Variants in COL15A1 observed in about 807,000 individuals in gnomAD.
COL15A1 encodes the protein collagen type XV alpha 1 chain, also known as collagen alpha-1(XV) chain.
A neutral mutation model predicts 165.9 loss-of-function variants in COL15A1; 111 were observed. That is an observed-to-expected ratio of 0.67 (90% CI 0.57 to 0.78). COL15A1 has a LOEUF of 0.78. Among genes scored for constraint, COL15A1 ranks in the 30% least tolerant of loss-of-function variants. The pLI, the probability that COL15A1 is intolerant of heterozygous loss-of-function variation, is 0.00. For missense variants in COL15A1, 1,745 were observed against 1,789.7 expected, an observed-to-expected ratio of 0.98 and a Z score of 0.45; for synonymous variants, 659 against 674.8, an observed-to-expected ratio of 0.98 and a Z score of 0.36.
At chr9:99,039,136 G>A (rs1274104827) in intron 22 of COL15A1, among the ~76,000 whole-genome samples, 2 of 152,170 alleles carry the variant, frequency 1.3e-5, no homozygotes, top group East Asian at 3.8e-4. Context: ...AGTCTTTATA[G>A]CCCCATTTTA....
chr9:99,038,369 A>C (rs1198475296), intron 21 of COL15A1, among the ~76,000 whole-genome samples: 1 of 152,214 alleles, frequency 6.6e-6, no homozygotes, highest in Non-Finnish European at 1.5e-5. Flanking sequence ...AAACACACAC[A>C]CCCCAACACT....
intron 13 of COL15A1, among the ~76,000 whole-genome samples, chr9:99,022,885 C>T (rs1217970529): frequency 6.6e-6 from 1 of 152,220 alleles, no homozygotes; most frequent in Non-Finnish European, 1.5e-5. Flanking sequence ...TCCTGCTGGA[C>T]TCTGGGCACC....
rs531698357 is a variant in COL15A1 at position 99,035,009 on chromosome 9, T to C, written c.2080-5T>C. On this transcript the variant is annotated splice_region_variant and splice_polypyrimidine_tract_variant and intron_variant, in intron 17 of 41. Coordinates refer to ENST00000375001, the MANE Select transcript of COL15A1 (RefSeq NM_001855.5). Reference sequence around the variant, plus strand: ...TAGATAATCAGCCTGCCCTCTTTCCTACAGGGTGACCCTGGCAACAGAGGC... The same window carrying C: ...TAGATAATCAGCCTGCCCTCTTTCCCACAGGGTGACCCTGGCAACAGAGGC... The C allele has an allele frequency of 3.1e-6, 5 of 1,612,442 alleles. No individual in the cohort carries two copies. The Admixed American group carries it at 8.3e-5, about 27-fold the overall frequency.
chr9:98,952,063 A>G (rs1837697534), intron 2 of COL15A1, among the ~76,000 whole-genome samples: 1 of 152,246 alleles, frequency 6.6e-6, no homozygotes, highest in Non-Finnish European at 1.5e-5. Flanking sequence ...TGAGGCAGGG[A>G]TGGGCCTGTC....
intron 30 of COL15A1, 25 bp downstream of exon 30, chr9:99,049,920 G>A (rs1018727412): frequency 6.2e-7 from 1 of 1,614,118 alleles, no homozygotes; most frequent in Non-Finnish European, 8.5e-7. Flanking sequence ...CTGCCTTAAA[G>A]AGCAGGCTTT....
intron 18 of COL15A1, 43 bp from the exon 19 acceptor site, chr9:99,035,307 C>T (rs1271156868): frequency 1.2e-6 from 2 of 1,613,802 alleles, no homozygotes; most frequent in Non-Finnish European, 1.7e-6. Context: ...AAGTAGGTGC[C>T]CAGGAACTGG....
Position 99,040,248 on chromosome 9 carries a change from G to A in COL15A1, c.2476-273G>A, listed in dbSNP as rs1839378033. On this transcript the variant is annotated intron_variant, in intron 22 of 41. Coordinates refer to ENST00000375001, the MANE Select transcript of COL15A1 (RefSeq NM_001855.5). ...CAGAGAGACTAAAACCAGAGATTGG[G>A]CATCCCTGTCCTCACAGTCCCTGGG... is the stretch of plus-strand genomic sequence containing the variant. Among the ~76,000 whole-genome samples, 5 of 152,250 alleles carry A rather than the reference G, an allele frequency of 3.3e-5. No homozygotes were observed. In the South Asian group the frequency reaches 8.3e-4, roughly 25 times the overall value.
chr9:98,984,481 G>A (rs1838277902), intron 2 of COL15A1, among the ~76,000 whole-genome samples: 1 of 152,208 alleles, frequency 6.6e-6, no homozygotes, highest in Admixed American at 6.5e-5. Context: ...CTTACCTTGA[G>A]CAAATTTGTT....
intron 7 of COL15A1, among the ~76,000 whole-genome samples, chr9:99,001,228 C>T (rs971568654): frequency 1.3e-5 from 2 of 152,150 alleles, no homozygotes; most frequent in Non-Finnish European, 2.9e-5. Flanking sequence ...AATGCAACCC[C>T]GCCCTCCTGC....
At chr9:98,949,032 C>T (rs1220434012) in intron 2 of COL15A1, among the ~76,000 whole-genome samples, 2 of 152,168 alleles carry the variant, frequency 1.3e-5, no homozygotes, top group Non-Finnish European at 2.9e-5. Context: ...TAACCATTAC[C>T]TTGACATTAA....
intron 2 of COL15A1, 98 bp downstream of exon 2, chr9:98,944,348 T>C (rs1837540479): frequency 1.6e-6 from 2 of 1,237,320 alleles, no homozygotes; most frequent in Non-Finnish European, 2.3e-6. Context: ...GCCTCATTCC[T>C]GGACATAAAA....
chr9:99,015,045 G>C (rs933756602), intron 9 of COL15A1, among the ~76,000 whole-genome samples: 3 of 152,034 alleles, frequency 2.0e-5, no homozygotes, highest in African/African-American at 4.8e-5. Flanking sequence ...TTTTATCTTA[G>C]TAGCTATCTT....
chr9:99,055,158 A>G lies in COL15A1; in HGVS notation c.3081+7A>G. 1.2e-6 allele frequency: 2 copies of G among 1,611,990 alleles called. No homozygotes were observed. The highest frequency in any genetic ancestry group is 2.2e-5 in the South Asian group (2 of 91,042). On this transcript the variant is annotated splice_region_variant and intron_variant, in intron 33 of 41. Transcript: ENST00000375001. ...CTTTCTGAACAACTTGAAGGTGAGT[A>G]TTTCTCTACCAATATTTGGCCTGTG...
chr9:99,061,882 C>CT lies in COL15A1; in HGVS notation c.3403-88dup, dbSNP rs557053202. The CT allele has an allele frequency of 1.0e-3, 1,441 of 1,432,990 alleles. 18 individuals carry two copies. The South Asian group carries it at 0.01, about 10-fold the overall frequency. The allele number at this position is 1,432,990 out of a possible 1,614,324, so 88.8% of individuals were successfully genotyped here. A position where few individuals can be genotyped will look rare whatever the true frequency, so the allele number is the denominator to read the frequency against. ...TTTATTGAGTATCTGGGGACGGCTC[C>CT]TAGTTGACTTTACAGAGAGGCCAGG... On this transcript the variant is annotated intron_variant, in intron 36 of 41. Transcript: ENST00000375001.
chr9:99,070,142 A>G lies in COL15A1; in HGVS notation c.*256A>G. 1 of 390,536 alleles carries G rather than the reference A, an allele frequency of 2.6e-6. No homozygotes were observed. The highest frequency in any genetic ancestry group is 4.6e-6 in the Non-Finnish European group (1 of 216,408). The allele number at this position is 390,536 out of a possible 1,614,324, so 24.2% of individuals were successfully genotyped here. On this transcript the variant is annotated 3_prime_UTR_variant, in exon 42 of 42. Coordinates refer to ENST00000375001, the MANE Select transcript of COL15A1 (RefSeq NM_001855.5). Reference sequence around the variant, plus strand: ...AACCCCAGCAGTGTGAACGCATCCCAACATAGGTTAAGAGCAAGTTGAAAA... The same window carrying G: ...AACCCCAGCAGTGTGAACGCATCCCGACATAGGTTAAGAGCAAGTTGAAAA...
rs948495245 is a variant in COL15A1 at position 99,059,815 on chromosome 9, G to A, written c.3338-74G>A. The A allele has an allele frequency of 2.5e-5, 39 of 1,539,346 alleles. No individual in the cohort carries two copies. The African/African-American group carries it at 3.4e-4, about 13-fold the overall frequency. On this transcript the variant is annotated intron_variant, in intron 35 of 41. Transcript: ENST00000375001. ...AATGGGGTTGAACACACTTCTCTCCGGGAGTCAGCTGATACCTCAGACATT... is the reference window on the plus strand; with the variant it reads ...AATGGGGTTGAACACACTTCTCTCCAGGAGTCAGCTGATACCTCAGACATT...
intron 35 of COL15A1, among the ~76,000 whole-genome samples, chr9:99,057,821 A>G (rs531956731): frequency 1.1e-4 from 17 of 152,346 alleles, no homozygotes; most frequent in Non-Finnish European, 2.5e-4. Flanking sequence ...ATACCTGGAA[A>G]GAGACCTACA....
intron 2 of COL15A1, among the ~76,000 whole-genome samples, chr9:98,946,344 T>C (rs948617145): frequency 6.6e-6 from 1 of 152,062 alleles, no homozygotes; most frequent in African/African-American, 2.4e-5. Flanking sequence ...CTCTTAACCA[T>C]CCTAGTGTGT....
rs1838299342 is a variant in COL15A1 at position 98,985,738 on chromosome 9, G to A, written c.274G>A (p.Ala92Thr). Residue 92 changes from alanine to threonine, a missense_variant, in exon 3 of 42, where the codon GCC becomes ACC. Ala to Thr is a moderately conservative substitution (Grantham distance 58, BLOSUM62 0). Coordinates refer to ENST00000375001, the MANE Select transcript of COL15A1 (RefSeq NM_001855.5). ...CCCATCCACCTTCTTCAGGGACTTCGCCATCAGCGTCGTGGTGAAGCCCAG... is the reference window on the plus strand; with the variant it reads ...CCCATCCACCTTCTTCAGGGACTTCACCATCAGCGTCGTGGTGAAGCCCAG... Reference protein sequence around the residue: ...LIPSTFFRDFAISVVVKPSST... With the variant: ...LIPSTFFRDFTISVVVKPSST... The A allele has an allele frequency of 3.7e-6, 6 of 1,614,156 alleles. No individual in the cohort carries two copies. Among genetic ancestry groups the A allele is most frequent in the South Asian group, 3.3e-5 (3 of 91,088 alleles).
Sources: gnomAD v4.1 joint callset for allele counts (sites outside exome capture counted in the v4.1 genomes callset) on GRCh38, gnomAD v4.1.1 for gene constraint, MANE v1.5 for transcripts, NCBI Gene and HGNC (gene_info 2026-07-23, HGNC 2026-07-21) for gene names.